Variants in RORA observed in about 807,000 individuals in gnomAD.
RORA encodes RAR related orphan receptor A, also known as nuclear receptor ROR-alpha.
RORA carries 7 observed loss-of-function variants against 69.5 expected under a neutral mutation model. The ratio of observed to expected loss-of-function variants is 0.10; its 90% CI spans 0.06 to 0.19. The LOEUF is 0.19. RORA is among the 10% of genes least tolerant of loss of function. The pLI is 1.00. For missense variants in RORA, 457 were observed against 663.0 expected, an observed-to-expected ratio of 0.69 and a Z score of 3.41; for synonymous variants, 261 against 240.8, an observed-to-expected ratio of 1.08 and a Z score of -0.78.
intron 1 of RORA, among the ~76,000 whole-genome samples, chr15:60,788,417 C>A (rs1667975731): frequency 6.6e-6 from 1 of 152,172 alleles, no homozygotes; most frequent in South Asian, 2.1e-4. Context: ...CAGCTCAAGA[C>A]ATTTTAGTGG....
At chr15:61,188,950 C>G (rs145674747) in intron 1 of RORA, among the ~76,000 whole-genome samples, 1 of 152,056 alleles carries the variant, frequency 6.6e-6, no homozygotes, top group Non-Finnish European at 1.5e-5. Context: ...AAGTACTCAC[C>G]GAGGAAGAAA....
chr15:60,777,655 C>T (rs1237832317), intron 1 of RORA, among the ~76,000 whole-genome samples: 1 of 152,202 alleles, frequency 6.6e-6, no homozygotes, highest in African/African-American at 2.4e-5. Flanking sequence ...TTCATTTTAA[C>T]ATCCTTATTC....
chr15:60,834,353 G>T (rs1322521420), intron 1 of RORA, among the ~76,000 whole-genome samples: 1 of 152,132 alleles, frequency 6.6e-6, no homozygotes, highest in East Asian at 1.9e-4. Flanking sequence ...ACAGATCCAA[G>T]GTTAGTTCCT....
chr15:60,828,265 T>C (rs1318408168), intron 1 of RORA, among the ~76,000 whole-genome samples: 2 of 152,136 alleles, frequency 1.3e-5, no homozygotes, highest in African/African-American at 4.8e-5. Context: ...TGACTCAGTG[T>C]CTCAGCCTGG....
chr15:61,113,839 T>G (rs2079028357), intron 1 of RORA, among the ~76,000 whole-genome samples: 1 of 152,222 alleles, frequency 6.6e-6, no homozygotes, highest in South Asian at 2.1e-4. Flanking sequence ...AAAATCAACG[T>G]CCTTGTTATC....
intron 1 of RORA, among the ~76,000 whole-genome samples, chr15:61,208,502 T>A (rs2079961730): frequency 6.6e-6 from 1 of 152,218 alleles, no homozygotes; most frequent in Non-Finnish European, 1.5e-5. Flanking sequence ...ATAAATTTAC[T>A]AAAAATTATT....
intron 1 of RORA, among the ~76,000 whole-genome samples, chr15:61,158,111 A>T (rs1324248426): frequency 1.3e-5 from 2 of 152,136 alleles, no homozygotes; most frequent in African/African-American, 4.8e-5. Context: ...CACTATCCCA[A>T]ATGGAGTGTT....
chr15:61,095,984 G>C (rs551372352), intron 1 of RORA, among the ~76,000 whole-genome samples: 1 of 152,320 alleles, frequency 6.6e-6, no homozygotes, highest in Non-Finnish European at 1.5e-5. Flanking sequence ...ATCATTGATA[G>C]GGGGTTTGGA....
chr15:60,976,989 G>A (rs915233858), intron 1 of RORA, among the ~76,000 whole-genome samples: 3 of 152,022 alleles, frequency 2.0e-5, no homozygotes, highest in Non-Finnish European at 4.4e-5. Context: ...GGACAGTCTG[G>A]TTTATGCCTG....
At chr15:60,939,738 G>A (rs546171324) in intron 1 of RORA, among the ~76,000 whole-genome samples, 14 of 152,268 alleles carry the variant, frequency 9.2e-5, no homozygotes, top group Non-Finnish European at 1.6e-4. Flanking sequence ...AACTCTTCCC[G>A]GGTTGTTCCA....
chr15:61,087,274 C>T (rs1299052894), intron 1 of RORA, among the ~76,000 whole-genome samples: 1 of 152,212 alleles, frequency 6.6e-6, no homozygotes, highest in Non-Finnish European at 1.5e-5. Flanking sequence ...AATGACAACA[C>T]TTACACTTAA....
At chr15:60,599,173 T>A (rs906459134) in intron 2 of RORA, among the ~76,000 whole-genome samples, 1 of 152,200 alleles carries the variant, frequency 6.6e-6, no homozygotes, top group Non-Finnish European at 1.5e-5. Flanking sequence ...GAAGGATATT[T>A]GAGCTAGACC....
chr15:60,886,484 G>C (rs552897167), intron 1 of RORA, among the ~76,000 whole-genome samples: 209 of 152,254 alleles, frequency 1.4e-3, no homozygotes, highest in African/African-American at 4.4e-3. Flanking sequence ...TCCATGCCTG[G>C]GTGGTTCCTG....
At chr15:61,221,732 T>C (rs934808710) in intron 1 of RORA, among the ~76,000 whole-genome samples, 4 of 152,220 alleles carry the variant, frequency 2.6e-5, no homozygotes, top group African/African-American at 9.6e-5. Context: ...TTTTTAACAC[T>C]GCACTGCCTC....
At chr15:61,065,966 A>C (rs1031155180) in intron 1 of RORA, among the ~76,000 whole-genome samples, 5 of 152,286 alleles carry the variant, frequency 3.3e-5, no homozygotes, top group African/African-American at 9.6e-5. Context: ...CTTGGGTGAA[A>C]TATCTCAGTG....
At chr15:61,152,631 T>C (rs1465684447) in intron 1 of RORA, among the ~76,000 whole-genome samples, 2 of 152,118 alleles carry the variant, frequency 1.3e-5, no homozygotes, top group Non-Finnish European at 2.9e-5. Flanking sequence ...GCCGGGGCAT[T>C]TAGTGAACAA....
intron 1 of RORA, among the ~76,000 whole-genome samples, chr15:60,704,604 T>C (rs538428836): frequency 4.6e-5 from 7 of 152,062 alleles, no homozygotes; most frequent in African/African-American, 1.4e-4. Flanking sequence ...AAATAAAATA[T>C]AAAAGGAAAT....
chr15:61,060,688 C>G (rs1360706791), intron 1 of RORA, among the ~76,000 whole-genome samples: 2 of 152,234 alleles, frequency 1.3e-5, no homozygotes, highest in South Asian at 2.1e-4. Context: ...CCAGCCACCT[C>G]ACTCTTTCTA....
In RORA at chr15:60,637,997, T is replaced by TG. The variant is rs2069870617; in HGVS notation, c.196+40659dup. Among the ~76,000 whole-genome samples the TG allele has an allele frequency of 5.3e-5, 8 of 152,260 alleles. No homozygotes were observed. In the South Asian group the frequency reaches 1.7e-3, roughly 32 times the overall value. On this transcript the variant is annotated intron_variant, in intron 2 of 10. Transcript: ENST00000335670. The stretch of plus-strand genomic sequence containing the variant: ...TGTTAGCTCTTGTGTCTATAAAGGG[T>TG]GGGGTTCATGCTATGACACAGAAAA...
Sources: allele counts gnomAD v4.1 joint callset (sites outside exome capture counted in the v4.1 genomes callset), GRCh38; gene constraint gnomAD v4.1.1; transcripts MANE v1.5; gene names NCBI Gene and HGNC (gene_info 2026-07-23, HGNC 2026-07-21).